The following NEGR1 variants were observed in gnomAD, a reference collection of about 807,000 sequenced individuals.
The protein encoded by NEGR1 is neuronal growth regulator 1.
NEGR1 carries 10 observed loss-of-function variants against 40.9 expected under a neutral mutation model. That is an observed-to-expected ratio of 0.24 (90% CI 0.15 to 0.42). The LOEUF is 0.42. Ranked by LOEUF, NEGR1 falls within the 10% of genes least tolerant of loss-of-function variation. NEGR1 has a pLI of 1.00. For synonymous variants in NEGR1, 185 were observed against 166.8 expected, an observed-to-expected ratio of 1.11 and a Z score of -0.84; for missense variants, 352 against 438.9, an observed-to-expected ratio of 0.80 and a Z score of 1.77.
chr1:71,514,433 C>G (rs1351577647), intron 6 of NEGR1, among the ~76,000 whole-genome samples: 1 of 101,366 alleles, frequency 9.9e-6, no homozygotes, highest in Non-Finnish European at 2.0e-5. Context: ...CCCGGGCAGC[C>G]TAACTGGGAG....
intron 1 of NEGR1, among the ~76,000 whole-genome samples, chr1:71,976,346 A>G (rs1357761196): frequency 2.0e-5 from 3 of 152,226 alleles, no homozygotes; most frequent in Non-Finnish European, 4.4e-5. Flanking sequence ...GTGAACGAAG[A>G]GATAAAAGAG....
At chr1:71,710,198 G>A (rs1045580885) in intron 3 of NEGR1, among the ~76,000 whole-genome samples, 8 of 151,956 alleles carry the variant, frequency 5.3e-5, no homozygotes, top group Admixed American at 3.3e-4. Flanking sequence ...TTACAATCTC[G>A]CCCCAGTTAA....
chr1:72,177,695 G>A (rs1015070115), intron 1 of NEGR1, among the ~76,000 whole-genome samples: 4 of 150,888 alleles, frequency 2.7e-5, no homozygotes, highest in African/African-American at 7.3e-5. Flanking sequence ...ACATCTTTTT[G>A]TTACTATTGT....
intron 4 of NEGR1, among the ~76,000 whole-genome samples, chr1:71,619,576 AT>A (rs1290120511): frequency 6.6e-6 from 1 of 152,120 alleles, no homozygotes. Flanking sequence ...AGCTGAAGCA[AT>A]TGCACAGTGG....
chr1:71,428,382 C>T (rs998629569), intron 6 of NEGR1, among the ~76,000 whole-genome samples: 2 of 152,104 alleles, frequency 1.3e-5, no homozygotes, highest in Non-Finnish European at 2.9e-5. Flanking sequence ...ATCAATGTTT[C>T]ACACAAATAA....
chr1:72,265,322 T>G (rs1655604014), intron 1 of NEGR1, among the ~76,000 whole-genome samples: 1 of 150,986 alleles, frequency 6.6e-6, no homozygotes, highest in Non-Finnish European at 1.5e-5. Context: ...TTTAATTAAT[T>G]TTGTGATAGT....
At chr1:71,471,964 C>T (rs1646785337) in intron 6 of NEGR1, among the ~76,000 whole-genome samples, 2 of 152,058 alleles carry the variant, frequency 1.3e-5, no homozygotes, top group Non-Finnish European at 2.9e-5. Flanking sequence ...TCCCTTTTAC[C>T]TCCCCTGTGT....
chr1:71,444,828 A>C (rs1041809536), intron 6 of NEGR1, among the ~76,000 whole-genome samples: 1 of 152,220 alleles, frequency 6.6e-6, no homozygotes, highest in Non-Finnish European at 1.5e-5. Flanking sequence ...AGTACAATAT[A>C]ACACAGTTTT....
At chr1:71,623,512 A>T (rs1650673592) in intron 4 of NEGR1, among the ~76,000 whole-genome samples, 1 of 151,936 alleles carries the variant, frequency 6.6e-6, no homozygotes, top group African/African-American at 2.4e-5. Flanking sequence ...GGGGGGAAAA[A>T]CATCCTAGTG....
chr1:71,686,725 C>G (rs942641694), intron 4 of NEGR1, among the ~76,000 whole-genome samples: 1 of 152,150 alleles, frequency 6.6e-6, no homozygotes, highest in Non-Finnish European at 1.5e-5. Context: ...CTAGAAAATT[C>G]TATCAGGACA....
intron 6 of NEGR1, among the ~76,000 whole-genome samples, chr1:71,568,123 G>C (rs533676640): frequency 6.6e-5 from 10 of 152,128 alleles, no homozygotes; most frequent in Non-Finnish European, 1.5e-4. Context: ...CAATTACTCT[G>C]TGTATCAAGA....
At chr1:71,614,585 G>A (rs1410533125) in intron 4 of NEGR1, among the ~76,000 whole-genome samples, 1 of 152,096 alleles carries the variant, frequency 6.6e-6, no homozygotes, top group East Asian at 1.9e-4. Context: ...CAAACAGACT[G>A]TAATCTTTTA....
At chr1:71,550,288 T>C (rs1275248105) in intron 6 of NEGR1, among the ~76,000 whole-genome samples, 1 of 151,630 alleles carries the variant, frequency 6.6e-6, no homozygotes, top group Non-Finnish European at 1.5e-5. Flanking sequence ...TTTTCAGTTA[T>C]GTTGATCTAT....
intron 1 of NEGR1, among the ~76,000 whole-genome samples, chr1:72,121,619 T>G (rs1046269160): frequency 3.3e-5 from 5 of 151,912 alleles, no homozygotes; most frequent in African/African-American, 1.2e-4. Context: ...ACAGAAAAAC[T>G]GTTATTTACT....
At chr1:71,823,007 G>C (rs566198066) in intron 2 of NEGR1, among the ~76,000 whole-genome samples, 2 of 152,116 alleles carry the variant, frequency 1.3e-5, no homozygotes, top group East Asian at 3.9e-4. Flanking sequence ...TTCAATCAAA[G>C]ACCTTTATAT....
Position 71,970,499 on chromosome 1 carries a change from T to G in NEGR1, c.177-35188A>C, listed in dbSNP as rs575595589. Among the ~76,000 whole-genome samples the G allele has an allele frequency of 2.0e-5, 3 of 152,116 alleles. No homozygotes were observed. In the South Asian group the frequency reaches 6.2e-4, roughly 32 times the overall value. On this transcript the variant is annotated intron_variant, in intron 1 of 6. Coordinates refer to ENST00000357731, the MANE Select transcript of NEGR1 (RefSeq NM_173808.3). Reference sequence around the variant, plus strand: ...GGAGGCCTGGAATTCAAGACCAGATTGGCCAACATGGTGAAATCCCATCTC... The same window carrying G: ...GGAGGCCTGGAATTCAAGACCAGATGGGCCAACATGGTGAAATCCCATCTC...
intron 1 of NEGR1, among the ~76,000 whole-genome samples, chr1:72,192,444 A>T (rs1652851712): frequency 6.6e-6 from 1 of 151,938 alleles, no homozygotes; most frequent in Non-Finnish European, 1.5e-5. Flanking sequence ...CTCTAGGAAC[A>T]ACATCAGAAA....
intron 1 of NEGR1, among the ~76,000 whole-genome samples, chr1:72,272,448 T>A (rs567380393): frequency 6.6e-6 from 1 of 151,972 alleles, no homozygotes; most frequent in South Asian, 2.1e-4. Context: ...AAATATTCTA[T>A]TTATTAAATT....
intron 1 of NEGR1, among the ~76,000 whole-genome samples, chr1:72,281,601 A>T (rs890945502): frequency 2.5e-4 from 38 of 152,086 alleles, no homozygotes; most frequent in African/African-American, 8.7e-4. Flanking sequence ...AATAAAAAAA[A>T]TAGACAAAAA....
Sources: gnomAD v4.1 joint callset for allele counts (sites outside exome capture counted in the v4.1 genomes callset) on GRCh38, gnomAD v4.1.1 for gene constraint, MANE v1.5 for transcripts, NCBI Gene and HGNC (gene_info 2026-07-23, HGNC 2026-07-21) for gene names.